ZFAND5: variants seen among roughly 807,000 people sequenced by gnomAD.
ZFAND5 encodes AN1-type zinc finger protein 5.
In ZFAND5, 4 loss-of-function variants were observed where a neutral mutation model predicts 23.6. The ratio of observed to expected loss-of-function variants is 0.17; its 90% CI spans 0.08 to 0.39. The LOEUF (loss-of-function observed/expected upper bound fraction) is 0.39, where lower values mean the gene tolerates loss of function less well. Among genes scored for constraint, ZFAND5 ranks in the 10% least tolerant of loss-of-function variants. The pLI, the probability that ZFAND5 is intolerant of heterozygous loss-of-function variation, is 1.00. For missense variants in ZFAND5, 161 were observed against 253.7 expected (o/e 0.63, Z 2.48); for synonymous variants, 68 against 80.6 (o/e 0.84, Z 0.84).
intron 6 of ZFAND5, 113 bp downstream of exon 6, chr9:72,356,818 T>A (rs1171928174): frequency 1.6e-6 from 2 of 1,228,190 alleles, no homozygotes; most frequent in East Asian, 5.4e-5. Flanking sequence ...CTACAGCTAG[T>A]CAGGCTTTTT....
chr9:72,357,241 T>A (rs777885615), intron 5 of ZFAND5, among the ~76,000 whole-genome samples, 185 bp from the exon 6 acceptor site: 2 of 152,168 alleles, frequency 1.3e-5, no homozygotes, highest in African/African-American at 2.4e-5. Context: ...ATCTGAGAAA[T>A]TCCTGCCAAT....
At chr9:72,356,288 G>T (rs1841941896) in intron 6 of ZFAND5, among the ~76,000 whole-genome samples, 187 bp from the exon 7 acceptor site, 1 of 152,166 alleles carries the variant, frequency 6.6e-6, no homozygotes, top group African/African-American at 2.4e-5. Flanking sequence ...CGTTAACCTG[G>T]AAAAGGAACT....
intron 6 of ZFAND5, 82 bp downstream of exon 6, chr9:72,356,848 AC>A (rs1841957496): frequency 1.4e-6 from 2 of 1,443,900 alleles, no homozygotes; most frequent in Non-Finnish European, 1.8e-6. Flanking sequence ...TATGTGTAAG[AC>A]CAACTAGTCT....
At position 72,360,595 on chromosome 9, in the gene ZFAND5, T is replaced by C. The variant is rs749568863; in HGVS notation, c.151+33A>G. ...GTTCTGTATTTCTGTCCACCAGTTCTTTCAAATGTGTTTTTCCTTGGAAAT... is the reference window on the plus strand; with the variant it reads ...GTTCTGTATTTCTGTCCACCAGTTCCTTCAAATGTGTTTTTCCTTGGAAAT... On this transcript the variant is annotated intron_variant, in intron 3 of 6. Transcript: ENST00000376962. 2.5e-6 allele frequency: 4 copies of C among 1,612,276 alleles called. No homozygotes were observed. The East Asian group carries it at 6.7e-5, about 27-fold the overall frequency.
At chr9:72,362,036 C>G (rs1273271512) in intron 2 of ZFAND5, among the ~76,000 whole-genome samples, 1 of 152,148 alleles carries the variant, frequency 6.6e-6, no homozygotes, top group Non-Finnish European at 1.5e-5. Flanking sequence ...CCTGGCCAGA[C>G]CCCTGGTAAT....
intron 2 of ZFAND5, among the ~76,000 whole-genome samples, chr9:72,361,669 C>T (rs1842106097): frequency 6.6e-6 from 1 of 152,204 alleles, no homozygotes; most frequent in South Asian, 2.1e-4. Context: ...AAAAGCTTTA[C>T]ATAGCAAGCA....
chr9:72,364,335 G>C (rs1842197218), intron 1 of ZFAND5: 1 of 1,075,340 alleles, frequency 9.3e-7, no homozygotes, highest in Non-Finnish European at 1.2e-6. Flanking sequence ...AACGGGCAGG[G>C]GGCGCGGCCG....
rs1439936257 is a variant in ZFAND5, at chr9:72,360,140, C to T, written c.233G>A (p.Gly78Asp). 1 of 1,611,988 alleles carries T rather than the reference C, an allele frequency of 6.2e-7. No individual in the cohort carries two copies. The highest frequency in any genetic ancestry group is 8.5e-7 in the Non-Finnish European group (1 of 1,179,180). The change falls in exon 4 of 7, where the codon GGT (glycine) becomes GAT (aspartate). Residue 78 changes from glycine to aspartate, a missense_variant. Physicochemically the swap from Gly to Asp is moderately conservative, Grantham distance 94 (BLOSUM62 -1). Around this residue, in one of 3 missense-constraint regions of ZFAND5, gnomAD observed 116 missense variants for 115.2 expected, o/e 1.01. Transcript: ENST00000376962. ...RADTSLNNCE[G>D]AAGSTSEKSR... ...TTTTTCAGATGTGCTGCCAGCAGCA[C>T]CTTCACAGTTGTTTAAGCTAGTGTC...
At chr9:72,363,309 T>G (rs1324033083) in intron 2 of ZFAND5, among the ~76,000 whole-genome samples, 161 bp downstream of exon 2, 1 of 152,236 alleles carries the variant, frequency 6.6e-6, no homozygotes, top group South Asian at 2.1e-4. Context: ...ATGCAGATTT[T>G]ATAAAGTTTA....
At position 72,364,462 on chromosome 9, in the gene ZFAND5, C is replaced by G. The variant is rs905269948; in HGVS notation, c.-147+234G>C. The G allele has an allele frequency of 1.4e-5, 18 of 1,275,848 alleles. No individual in the cohort carries two copies. In the Admixed American group the frequency reaches 3.3e-4, roughly 24 times the overall value. 79.0% of individuals were successfully genotyped at this position (1,275,848 alleles called of 1,614,324 possible). A position where few individuals can be genotyped will look rare whatever the true frequency, so the allele number is the denominator to read the frequency against. ...GGCACGCCGTGCATTGTTTCCCGAC[C>G]GTGCTGTGGAGCGAGCCAGGGACGC... On this transcript the variant is annotated intron_variant, in intron 1 of 6. Transcript: ENST00000376962.
rs541153979 is a variant in ZFAND5 at position 72,364,796 on chromosome 9, C to G, written c.-247G>C. ...AAGGCTGAGCCGGGCGCCCTGGTGC[C>G]GCCGCCGCGGGCCGGGAGCGGGTCG... On this transcript the variant is annotated 5_prime_UTR_variant, in exon 1 of 7. Transcript: ENST00000376962. 2,005 of 227,300 alleles carry G rather than the reference C, an allele frequency of 8.8e-3. 42 individuals carry two copies. Among genetic ancestry groups the G allele is most frequent in the African/African-American group, 0.044 (1,864 of 42,544 alleles). The allele number at this position is 227,300 out of a possible 1,614,324, so 14.1% of individuals were successfully genotyped here.
chr9:72,355,769 G>C lies in ZFAND5; in HGVS notation c.*184C>G, dbSNP rs866368465. ...GGAGGGCATATACATTTGTAGGGCT[G>C]TATCTATCCAATTCTGCCTGTAACA... On this transcript the variant is annotated 3_prime_UTR_variant, in exon 7 of 7. Coordinates refer to ENST00000376962, the MANE Select transcript of ZFAND5 (RefSeq NM_001102420.3). The C allele has an allele frequency of 3.6e-6, 2 of 552,052 alleles. No homozygotes were observed. Among genetic ancestry groups the C allele is most frequent in the Admixed American group, 3.5e-5 (1 of 28,184 alleles). The allele number at this position is 552,052 out of a possible 1,614,324, so 34.2% of individuals were successfully genotyped here.
At position 72,361,946 on chromosome 9, in the gene ZFAND5, T is replaced by A. The variant is rs549072364; in HGVS notation, c.-9-1159A>T. On this transcript the variant is annotated intron_variant, in intron 2 of 6. Transcript: ENST00000376962. The stretch of plus-strand genomic sequence containing the variant: ...CTACATACTAGAATACACTTTTTAG[T>A]GAGTTATTAAAAAACGATGTTTTAA... Among the ~76,000 whole-genome samples, 3 of 152,344 alleles carry A rather than the reference T, an allele frequency of 2.0e-5. No individual in the cohort carries two copies. In the East Asian group the frequency reaches 5.8e-4, roughly 29 times the overall value.
At chr9:72,362,852 T>C (rs993072698) in intron 2 of ZFAND5, among the ~76,000 whole-genome samples, 2 of 152,148 alleles carry the variant, frequency 1.3e-5, no homozygotes, top group African/African-American at 4.8e-5. Flanking sequence ...TGTGACAAGC[T>C]GAGCTGGATG....
At position 72,364,584 on chromosome 9, in the gene ZFAND5, C is replaced by T. The variant is rs760126107; in HGVS notation, c.-147+112G>A. On this transcript the variant is annotated intron_variant, in intron 1 of 6. Coordinates refer to ENST00000376962, the MANE Select transcript of ZFAND5 (RefSeq NM_001102420.3). Reference sequence around the variant, plus strand: ...GCTCCCCTCCCCCGGACGCCGCCATCCGCGGCCTGCTCCGGCTTCGCCATT... The same window carrying T: ...GCTCCCCTCCCCCGGACGCCGCCATTCGCGGCCTGCTCCGGCTTCGCCATT... 3.7e-5 allele frequency: 46 copies of T among 1,247,944 alleles called. No homozygotes were observed. In the South Asian group the frequency reaches 5.4e-4, roughly 15 times the overall value. The allele number at this position is 1,247,944 out of a possible 1,614,324, so 77.3% of individuals were successfully genotyped here. A position where few individuals can be genotyped will look rare whatever the true frequency, so the allele number is the denominator to read the frequency against.
In ZFAND5 at chr9:72,351,880, C is replaced by G. The variant is rs537535328; in HGVS notation, c.*4073G>C. 2 of 152,288 alleles carry G rather than the reference C, an allele frequency of 1.3e-5. No homozygotes were observed. Among genetic ancestry groups the G allele is most frequent in the Admixed American group, 1.3e-4 (2 of 15,310 alleles). The allele number at this position is 152,288 out of a possible 1,614,324, so 9.4% of individuals were successfully genotyped here. On this transcript the variant is annotated 3_prime_UTR_variant, in exon 7 of 7. Coordinates refer to ENST00000376962, the MANE Select transcript of ZFAND5 (RefSeq NM_001102420.3). Reference sequence around the variant, plus strand: ...TGTTGCCTCACCCATGCAAACTCTTCTAGCTAGTTTAAGGCTACATAATCT... The same window carrying G: ...TGTTGCCTCACCCATGCAAACTCTTGTAGCTAGTTTAAGGCTACATAATCT...
intron 2 of ZFAND5, among the ~76,000 whole-genome samples, chr9:72,363,205 T>C (rs1842154523): frequency 6.6e-6 from 1 of 152,334 alleles, no homozygotes; most frequent in East Asian, 1.9e-4. Flanking sequence ...GCATTCCCCT[T>C]GTATTTTAGA....
At chr9:72,362,879 G>A (rs145325687) in intron 2 of ZFAND5, among the ~76,000 whole-genome samples, 41 of 152,260 alleles carry the variant, frequency 2.7e-4, no homozygotes, top group Admixed American at 1.0e-3. Flanking sequence ...CTCACATAAA[G>A]CCTAGTCAAC....
At chr9:72,358,118 T>G (rs914025612) in intron 5 of ZFAND5, among the ~76,000 whole-genome samples, 2 of 152,122 alleles carry the variant, frequency 1.3e-5, no homozygotes, top group African/African-American at 4.8e-5. Context: ...ACAAGCTGAT[T>G]GATTTAATGG....
Sources: gnomAD v4.1 joint callset for allele counts (sites outside exome capture counted in the v4.1 genomes callset) on GRCh38, gnomAD v4.1.1 for gene constraint, gnomAD v4.1.1 regional missense constraint, MANE v1.5 for transcripts, NCBI Gene and HGNC (gene_info 2026-07-23, HGNC 2026-07-21) for gene names.